TAF1: variants seen among roughly 807,000 people sequenced by gnomAD.
TAF1 encodes the protein transcription initiation factor TFIID subunit 1.
In TAF1, 2 loss-of-function variants were observed where a neutral mutation model predicts 138.5. The ratio of observed to expected loss-of-function variants is 0.01; its 90% CI spans 0.01 to 0.05. The LOEUF (loss-of-function observed/expected upper bound fraction) is 0.05. Ranked by LOEUF, TAF1 falls within the 10% of genes least tolerant of loss-of-function variation. TAF1 has a pLI of 1.00. For missense variants in TAF1, 709 were observed against 1,478.0 expected, an observed-to-expected ratio of 0.48 and a Z score of 8.53; for synonymous variants, 437 against 503.2, an observed-to-expected ratio of 0.87 and a Z score of 1.76.
chrX:71,494,719 G>A (rs762063214), intron 13 of TAF1, among the ~76,000 whole-genome samples: 2 of 112,172 alleles, frequency 1.8e-5, no homozygotes, highest in African/African-American at 6.5e-5. Context: ...GAATGAAGCC[G>A]CGGACTTTCA....
intron 28 of TAF1, among the ~76,000 whole-genome samples, chrX:71,412,332 T>A (rs2148522613): frequency 9.1e-6 from 1 of 109,367 alleles, no homozygotes; most frequent in South Asian, 4.0e-4. Context: ...TCTCACTATG[T>A]TGCCCAGGCT....
At chrX:71,398,924 A>G (rs1391047303) in intron 24 of TAF1, among the ~76,000 whole-genome samples, 187 bp downstream of exon 24, 1 of 111,800 alleles carries the variant, frequency 8.9e-6, no homozygotes, top group African/African-American at 3.3e-5. Context: ...ATTCCACACC[A>G]AATCTGGTGC....
rs754437268 is a variant in TAF1, at chrX:71,377,695, G to T, written c.807G>T (p.Glu269Asp). 5.0e-6 allele frequency: 6 copies of T among 1,209,783 alleles called. No individual in the cohort carries two copies. The Admixed American group carries it at 1.3e-4, about 27-fold the overall frequency. Residue 269 changes from glutamate to aspartate, a missense_variant, in exon 6 of 38, where the codon GAG (glutamate) becomes GAT (aspartate). Physicochemically the swap from Glu to Asp is conservative, Grantham distance 45 (BLOSUM62 2). Coordinates refer to ENST00000423759, the MANE Select transcript of TAF1 (RefSeq NM_004606.5). ...GAAAGAGGAAGAAGAAGCACCGTGA[G>T]CTGATACAGGAAGAGCAGATCCAGG... Reference protein sequence around the residue: ...ARRKRKKKHRELIQEEQIQEV... With the variant: ...ARRKRKKKHRDLIQEEQIQEV...
chrX:71,462,745 G>A (rs955799681), intron 37 of TAF1, among the ~76,000 whole-genome samples: 30 of 111,319 alleles, frequency 2.7e-4, no homozygotes, highest in African/African-American at 8.5e-4. Context: ...TGGTAATGTC[G>A]ATTGATAGAA....
chrX:71,389,523 A>G, intron 17 of TAF1, 62 bp from the exon 18 acceptor site: 3 of 1,032,615 alleles, frequency 2.9e-6, no homozygotes, highest in Non-Finnish European at 4.0e-6. Context: ...TTCAGTAAAA[A>G]AAAAACTTGT....
At chrX:71,420,036 C>A in intron 28 of TAF1, 1 of 277,748 alleles carries the variant, frequency 3.6e-6, no homozygotes. Context: ...TTTTTTTTCC[C>A]CTTCTGTCCT....
At chrX:71,430,290 A>G (rs1198445571) in intron 32 of TAF1, among the ~76,000 whole-genome samples, 1 of 108,682 alleles carries the variant, frequency 9.2e-6, no homozygotes, top group Admixed American at 9.9e-5. Context: ...CTGAGGCAGG[A>G]CAATGGCGGG....
chrX:71,398,278 C>T (rs1316560227), intron 23 of TAF1, among the ~76,000 whole-genome samples: 1 of 108,872 alleles, frequency 9.2e-6, no homozygotes, highest in Non-Finnish European at 1.9e-5. Flanking sequence ...GCAGAGGCTG[C>T]AGTGAGCCAA....
chrX:71,458,995 A>G (rs1054507341), intron 35 of TAF1, among the ~76,000 whole-genome samples: 20 of 111,168 alleles, frequency 1.8e-4, no homozygotes, highest in Non-Finnish European at 3.4e-4. Context: ...AGAATGGGGG[A>G]AAATGCGCAT....
At chrX:71,457,948 GA>G (rs1196592815) in intron 34 of TAF1, among the ~76,000 whole-genome samples, 1 of 112,385 alleles carries the variant, frequency 8.9e-6, no homozygotes, top group African/African-American at 3.2e-5. Flanking sequence ...ACAAGGCTTA[GA>G]AAAAAACTAG....
chrX:71,461,020 TTACAA>T (rs1368325602), intron 37 of TAF1: 25 of 436,838 alleles, frequency 5.7e-5, no homozygotes, highest in Non-Finnish European at 9.4e-5. Context: ...AAACAAATCA[TTACAA>T]ATACAATGTG....
At chrX:71,384,162 T>TC (rs749173163) in intron 13 of TAF1, 27 bp downstream of exon 13, 2 of 1,202,884 alleles carry the variant, frequency 1.7e-6, no homozygotes, top group South Asian at 1.8e-5. Context: ...AAAATTTTTT[T>TC]CCCATACATA....
intron 2 of TAF1, 32 bp downstream of exon 2, chrX:71,367,645 G>C: frequency 3.4e-6 from 4 of 1,187,747 alleles, no homozygotes; most frequent in Non-Finnish European, 4.6e-6. Flanking sequence ...GTAGGCGGGG[G>C]AGGAGGCTAG....
intron 32 of TAF1, among the ~76,000 whole-genome samples, chrX:71,444,895 G>A (rs994604951): frequency 3.6e-5 from 4 of 109,795 alleles, no homozygotes; most frequent in African/African-American, 1.3e-4. Flanking sequence ...CACCACACCC[G>A]GCTAATTTTT....
At chrX:71,512,291 A>G (rs1471369120) in intron 13 of TAF1, among the ~76,000 whole-genome samples, 1 of 110,485 alleles carries the variant, frequency 9.1e-6, no homozygotes, top group African/African-American at 3.3e-5. Context: ...CTCCAGCCTG[A>G]GCGACAGTGC....
intron 28 of TAF1, among the ~76,000 whole-genome samples, chrX:71,413,041 G>A (rs2035880088): frequency 9.0e-6 from 1 of 111,550 alleles, no homozygotes; most frequent in Non-Finnish European, 1.9e-5. Flanking sequence ...GATGCTCTAA[G>A]GAAATCCTCA....
chrX:71,519,594 G>A (rs1254395942), intron 13 of TAF1, among the ~76,000 whole-genome samples: 1 of 107,290 alleles, frequency 9.3e-6, no homozygotes, highest in African/African-American at 3.4e-5. Context: ...AGTGAGCCGA[G>A]ATCGCGCCAC....
At chrX:71,378,684 A>C (rs2033653779) in intron 7 of TAF1, 140 bp from the exon 8 acceptor site, 1 of 733,292 alleles carries the variant, frequency 1.4e-6, no homozygotes, top group Non-Finnish European at 2.0e-6. Flanking sequence ...GAAGAGGCAA[A>C]TATTCCTCCG....
chrX:71,501,193 G>A (rs1453377779), intron 13 of TAF1, among the ~76,000 whole-genome samples: 1 of 111,298 alleles, frequency 9.0e-6, no homozygotes, highest in Non-Finnish European at 1.9e-5. Flanking sequence ...TGAATAGGAA[G>A]GATATCATTT....
Sources: gnomAD v4.1 joint callset for allele counts (sites outside exome capture counted in the v4.1 genomes callset) on GRCh38, gnomAD v4.1.1 for gene constraint, MANE v1.5 for transcripts, NCBI Gene and HGNC (gene_info 2026-07-23, HGNC 2026-07-21) for gene names.